The following NF1 variants were observed in gnomAD, a reference collection of about 807,000 sequenced individuals.
The protein encoded by NF1 is neurofibromin 1.
A neutral mutation model predicts 325.7 loss-of-function variants in NF1; 122 were observed. The observed-to-expected ratio is 0.37, with a 90% CI of 0.32 to 0.44. NF1 has a LOEUF of 0.44. Among genes scored for constraint, NF1 ranks in the 20% least tolerant of loss-of-function variants. NF1 has a pLI of 1.00. For synonymous variants in NF1, 1,091 were observed against 1,186.0 expected (o/e 0.92, Z 1.65); for missense variants, 2,140 against 3,415.4 (o/e 0.63, Z 9.31).
At chr17:31,340,913 A>G (rs2069807101) in intron 47 of NF1, among the ~76,000 whole-genome samples, 1 of 151,842 alleles carries the variant, frequency 6.6e-6, no homozygotes, top group Non-Finnish European at 1.5e-5. Context: ...AATAAGGATA[A>G]ATAATACATG....
At chr17:31,135,153 A>G (rs550608267) in intron 1 of NF1, among the ~76,000 whole-genome samples, 12 of 152,206 alleles carry the variant, frequency 7.9e-5, no homozygotes, top group Non-Finnish European at 1.8e-4. Context: ...AGATCTTACT[A>G]CTGAGAAAGG....
chr17:31,231,329 TAATC>T (rs1437835197), intron 24 of NF1, among the ~76,000 whole-genome samples: 1 of 152,156 alleles, frequency 6.6e-6, no homozygotes, highest in Non-Finnish European at 1.5e-5. Flanking sequence ...AAAAAGGAAG[TAATC>T]AAGTCTGCTT....
At chr17:31,226,330 C>CACAA (rs1555613727) in intron 17 of NF1, 105 bp from the exon 18 acceptor site, 2 of 1,250,194 alleles carry the variant, frequency 1.6e-6, no homozygotes, top group Non-Finnish European at 2.3e-6. Context: ...CACACACACA[C>CACAA]ACACACACAC....
Position 31,374,235 on chromosome 17 carries a change from C to T in NF1, c.*80C>T, listed in dbSNP as rs1032360745. The T allele has an allele frequency of 1.3e-6, 2 of 1,581,418 alleles. No homozygotes were observed. Among genetic ancestry groups the T allele is most frequent in the South Asian group, 2.2e-5 (2 of 89,708 alleles). On this transcript the variant is annotated 3_prime_UTR_variant, in exon 58 of 58. Coordinates refer to ENST00000358273, the MANE Select transcript of NF1 (RefSeq NM_001042492.3). The stretch of plus-strand genomic sequence containing the variant: ...CCCCTTCCCTGTCCTTGCCCTTTCC[C>T]CCCATGTTGTAATGCTGCACTTCCT...
intron 1 of NF1, among the ~76,000 whole-genome samples, chr17:31,141,640 G>A (rs73273505): frequency 0.017 from 2,639 of 152,236 alleles, 94 homozygotes; most frequent in African/African-American, 0.061. Flanking sequence ...TCAAAACTTA[G>A]CAGTTTAAAA....
Position 31,366,231 on chromosome 17 carries a change from G to C in NF1, c.8377+5528G>C, listed in dbSNP as rs569600482. On this transcript the variant is annotated intron_variant, in intron 57 of 57. Transcript: ENST00000358273. ...TTACAGGCATGAGCCACCGCACCTG[G>C]CCTAAAATTTTTTTTTACTAGGAAA... 7.9e-5 allele frequency among the ~76,000 whole-genome samples: 12 copies of C among 152,090 alleles called. No individual in the cohort carries two copies. The East Asian group carries it at 2.3e-3, about 29-fold the overall frequency.
intron 36 of NF1, chr17:31,305,061 T>A: frequency 1.2e-6 from 2 of 1,614,192 alleles, no homozygotes; most frequent in South Asian, 2.2e-5. Context: ...CTAAGATAAA[T>A]CCTGGTGTAC....
chr17:31,134,383 T>C (rs1370910501), intron 1 of NF1, among the ~76,000 whole-genome samples: 3 of 152,250 alleles, frequency 2.0e-5, no homozygotes, highest in Admixed American at 2.0e-4. Context: ...GTGTTTCATA[T>C]GAATATGAAA....
intron 8 of NF1, among the ~76,000 whole-genome samples, chr17:31,188,218 G>A (rs1213218666): frequency 2.0e-5 from 3 of 152,272 alleles, no homozygotes; most frequent in Admixed American, 2.0e-4. Flanking sequence ...AGTAGAAGAA[G>A]GTAGTCATCA....
At chr17:31,313,283 C>A (rs1453860407) in intron 36 of NF1, among the ~76,000 whole-genome samples, 5 of 152,108 alleles carry the variant, frequency 3.3e-5, no homozygotes, top group Non-Finnish European at 5.9e-5. Context: ...TACATTAGAA[C>A]TTTTAACAAT....
intron 1 of NF1, among the ~76,000 whole-genome samples, chr17:31,121,976 T>G (rs1266207437): frequency 6.6e-6 from 1 of 152,216 alleles, no homozygotes; most frequent in Non-Finnish European, 1.5e-5. Context: ...AGCACAGTTC[T>G]TGCTTGGTTA....
chr17:31,365,073 G>A (rs2070484269), intron 57 of NF1, among the ~76,000 whole-genome samples: 1 of 151,956 alleles, frequency 6.6e-6, no homozygotes, highest in Non-Finnish European at 1.5e-5. Context: ...GCCGAGGCAG[G>A]TGGATTGCTT....
At chr17:31,363,536 A>G (rs1020864057) in intron 57 of NF1, among the ~76,000 whole-genome samples, 1 of 146,628 alleles carries the variant, frequency 6.8e-6, no homozygotes, top group Non-Finnish European at 1.5e-5. Flanking sequence ...TCCCAGGTTC[A>G]TGCCATTCTT....
At chr17:31,227,702 C>T in intron 20 of NF1, 96 bp downstream of exon 20, 1 of 1,071,026 alleles carries the variant, frequency 9.3e-7, no homozygotes, top group Non-Finnish European at 1.4e-6. Context: ...GTAAAGTAAA[C>T]ATATAGCTGT....
intron 11 of NF1, among the ~76,000 whole-genome samples, chr17:31,203,099 T>A (rs1489702309): frequency 6.6e-6 from 1 of 152,186 alleles, no homozygotes. Flanking sequence ...ACTGACTACA[T>A]AGAGCACTTT....
intron 36 of NF1, among the ~76,000 whole-genome samples, chr17:31,272,965 A>G (rs776420276): frequency 1.3e-5 from 2 of 152,192 alleles, no homozygotes; most frequent in Admixed American, 6.5e-5. Context: ...AGGGCTACCA[A>G]CTGAAGGCAA....
At chr17:31,296,148 G>T (rs1179339758) in intron 36 of NF1, 1 of 1,611,340 alleles carries the variant, frequency 6.2e-7, no homozygotes, top group African/African-American at 1.3e-5. Context: ...TTATAAGACA[G>T]GTTTAAATGT....
At chr17:31,292,441 G>A (rs1409481071) in intron 36 of NF1, among the ~76,000 whole-genome samples, 3 of 152,202 alleles carry the variant, frequency 2.0e-5, no homozygotes, top group Admixed American at 2.0e-4. Flanking sequence ...AGTATATCTG[G>A]GGGATTGGTT....
intron 13 of NF1, 142 bp from the exon 14 acceptor site, chr17:31,218,863 C>T (rs879896609): frequency 3.3e-5 from 27 of 829,586 alleles, no homozygotes; most frequent in South Asian, 5.0e-5. Flanking sequence ...TGAACCACCG[C>T]GTCCAGCCTA....
Sources: allele counts gnomAD v4.1 joint callset (sites outside exome capture counted in the v4.1 genomes callset), GRCh38; gene constraint gnomAD v4.1.1; transcripts MANE v1.5; gene names NCBI Gene and HGNC (gene_info 2026-07-23, HGNC 2026-07-21).